KCNIP1: variants seen among roughly 807,000 people sequenced by gnomAD.
The protein encoded by KCNIP1 is A-type potassium channel modulatory protein KCNIP1.
In KCNIP1, 18 loss-of-function variants were observed where a neutral mutation model predicts 33.0. That is an observed-to-expected ratio of 0.55 (90% confidence interval 0.38 to 0.81). The LOEUF is 0.81. Among genes scored for constraint, KCNIP1 ranks in the 30% least tolerant of loss-of-function variants. The pLI is 0.00. For missense variants in KCNIP1, 238 were observed against 271.6 expected (o/e 0.88, Z 0.87); for synonymous variants, 93 against 98.3 (o/e 0.95, Z 0.32).
At chr5:170,512,220 A>G (rs913353074) in intron 1 of KCNIP1, among the ~76,000 whole-genome samples, 3 of 152,256 alleles carry the variant, frequency 2.0e-5, no homozygotes, top group Non-Finnish European at 4.4e-5. Context: ...GAGTGTTTAA[A>G]TATCTTCCAA....
chr5:170,585,079 A>C (rs2113529648), intron 1 of KCNIP1, among the ~76,000 whole-genome samples: 1 of 152,272 alleles, frequency 6.6e-6, no homozygotes, highest in South Asian at 2.1e-4. Context: ...CAGAAAGGCA[A>C]AGTAACTGGT....
At chr5:170,446,281 G>A (rs1315953567) in intron 1 of KCNIP1, among the ~76,000 whole-genome samples, 2 of 152,202 alleles carry the variant, frequency 1.3e-5, no homozygotes, top group African/African-American at 4.8e-5. Context: ...GAGTAGTGCA[G>A]TGAGACTGGG....
chr5:170,621,111 A>G (rs1384142349), intron 1 of KCNIP1, among the ~76,000 whole-genome samples: 1 of 152,070 alleles, frequency 6.6e-6, no homozygotes, highest in African/African-American at 2.4e-5. Context: ...ACTTCTTCCA[A>G]GCTCCCAAAG....
chr5:170,377,502 T>C (rs1581124456), intron 1 of KCNIP1: 2 of 152,126 alleles, frequency 1.3e-5, no homozygotes, highest in African/African-American at 4.8e-5. Flanking sequence ...CCAGAGTCCA[T>C]ACCCTCAATT....
chr5:170,618,099 T>C (rs1000132905), intron 1 of KCNIP1, among the ~76,000 whole-genome samples: 11 of 152,164 alleles, frequency 7.2e-5, no homozygotes, highest in Non-Finnish European at 2.9e-5. Context: ...TTTCTGCTGG[T>C]TTCATTTACA....
chr5:170,619,994 G>T (rs1759539996), intron 1 of KCNIP1, among the ~76,000 whole-genome samples: 1 of 152,176 alleles, frequency 6.6e-6, no homozygotes, highest in African/African-American at 2.4e-5. Context: ...CAAGAGCAAG[G>T]TTTGGACCCA....
At chr5:170,597,819 A>G (rs1416697156) in intron 1 of KCNIP1, among the ~76,000 whole-genome samples, 2 of 96,096 alleles carry the variant, frequency 2.1e-5, no homozygotes, top group African/African-American at 8.1e-5. Flanking sequence ...ATATATATAT[A>G]TATATATATA....
intron 7 of KCNIP1, among the ~76,000 whole-genome samples, chr5:170,734,396 G>A (rs1188728726): frequency 6.6e-6 from 1 of 152,098 alleles, no homozygotes; most frequent in Non-Finnish European, 1.5e-5. Flanking sequence ...CTGGACCAAT[G>A]CTTCTAACAC....
chr5:170,493,714 C>T (rs1393586039), intron 1 of KCNIP1, among the ~76,000 whole-genome samples: 1 of 152,202 alleles, frequency 6.6e-6, no homozygotes, highest in Non-Finnish European at 1.5e-5. Context: ...CTGGCAAATT[C>T]TGATTCATCT....
chr5:170,681,047 G>A, intron 1 of KCNIP1: 2 of 399,518 alleles, frequency 5.0e-6, no homozygotes, highest in Non-Finnish European at 8.8e-6. Context: ...AGCGCTTGCC[G>A]GTGCGCCAGG....
At chr5:170,354,605 A>T (rs144614251) in intron 1 of KCNIP1, among the ~76,000 whole-genome samples, 2 of 152,336 alleles carry the variant, frequency 1.3e-5, no homozygotes, top group Non-Finnish European at 2.9e-5. Flanking sequence ...CTGGGGTGGC[A>T]GGTGGTTTGC....
At chr5:170,420,533 C>CA (rs201638118) in intron 1 of KCNIP1, 15,499 of 118,664 alleles carry the variant, frequency 0.13, 967 homozygotes, top group African/African-American at 0.18. Flanking sequence ...AACTCCAACT[C>CA]AAAAAAAAAA....
chr5:170,555,901 TG>T (rs2113438080), intron 1 of KCNIP1, among the ~76,000 whole-genome samples: 1 of 152,254 alleles, frequency 6.6e-6, no homozygotes, highest in East Asian at 1.9e-4. Flanking sequence ...GAGAGGAAAT[TG>T]CCAAGGAAAG....
At chr5:170,617,464 C>G (rs1321782691) in intron 1 of KCNIP1, among the ~76,000 whole-genome samples, 1 of 152,188 alleles carries the variant, frequency 6.6e-6, no homozygotes, top group Non-Finnish European at 1.5e-5. Flanking sequence ...CTGCTGCCCA[C>G]TGAGGGACCT....
chr5:170,423,731 T>G (rs976756504), intron 1 of KCNIP1, among the ~76,000 whole-genome samples: 2 of 152,200 alleles, frequency 1.3e-5, no homozygotes, highest in African/African-American at 4.8e-5. Flanking sequence ...TTAATTCTGT[T>G]AGATGCGGGG....
At chr5:170,479,619 G>T (rs1561644294) in intron 1 of KCNIP1, among the ~76,000 whole-genome samples, 64 of 152,228 alleles carry the variant, frequency 4.2e-4, no homozygotes, top group African/African-American at 1.4e-3. Context: ...ATACCCCAAG[G>T]AAAAATGTAT....
At chr5:170,520,163 G>T (rs1182465951) in intron 1 of KCNIP1, among the ~76,000 whole-genome samples, 1 of 152,148 alleles carries the variant, frequency 6.6e-6, no homozygotes. Context: ...ACTGTGCTGG[G>T]CACTGCCCTT....
At chr5:170,441,869 G>A (rs541784368) in intron 1 of KCNIP1, among the ~76,000 whole-genome samples, 27 of 149,516 alleles carry the variant, frequency 1.8e-4, no homozygotes, top group Admixed American at 3.3e-4. Context: ...GGAGAATGGC[G>A]TGAACCCAGG....
chr5:170,617,686 G>C (rs1759439496), intron 1 of KCNIP1, among the ~76,000 whole-genome samples: 1 of 152,110 alleles, frequency 6.6e-6, no homozygotes, highest in South Asian at 2.1e-4. Context: ...CATATCAAAG[G>C]CTCTGAAATG....
Sources: gnomAD v4.1 joint callset for allele counts (sites outside exome capture counted in the v4.1 genomes callset) on GRCh38, gnomAD v4.1.1 for gene constraint, MANE v1.5 for transcripts, NCBI Gene and HGNC (gene_info 2026-07-23, HGNC 2026-07-21) for gene names.